The following MEOX2 variants were observed in gnomAD, a reference collection of about 807,000 sequenced individuals.
MEOX2 encodes mesenchyme homeobox 2.
A neutral mutation model predicts 27.0 loss-of-function variants in MEOX2; 11 were observed. The observed-to-expected ratio is 0.41, with a 90% CI of 0.26 to 0.68. MEOX2 has a LOEUF of 0.68. MEOX2 is among the 30% of genes least tolerant of loss of function. The pLI is 0.33. For synonymous variants in MEOX2, 189 were observed against 155.4 expected (o/e 1.22, Z -1.61); for missense variants, 436 against 385.4 (o/e 1.13, Z -1.10).
intron 1 of MEOX2, among the ~76,000 whole-genome samples, chr7:15,674,358 T>G (rs573161721): frequency 3.3e-5 from 5 of 152,092 alleles, no homozygotes; most frequent in Non-Finnish European, 7.4e-5. Context: ...CTAAATTAAG[T>G]GCAAGAGACC....
At chr7:15,635,384 A>T (rs192185432) in intron 1 of MEOX2, among the ~76,000 whole-genome samples, 206 of 152,100 alleles carry the variant, frequency 1.4e-3, no homozygotes, top group Admixed American at 2.1e-3. Context: ...AAAATACTCA[A>T]ACAGAATCTT....
chr7:15,683,150 T>A (rs1029760208), intron 1 of MEOX2, among the ~76,000 whole-genome samples: 1 of 152,002 alleles, frequency 6.6e-6, no homozygotes, highest in African/African-American at 2.4e-5. Flanking sequence ...GTAAGGTTTA[T>A]AAATATTTAA....
intron 1 of MEOX2, among the ~76,000 whole-genome samples, chr7:15,676,921 C>T (rs186326989): frequency 1.8e-4 from 28 of 151,454 alleles, no homozygotes; most frequent in African/African-American, 6.8e-4. Context: ...TTCCTGAAAA[C>T]AGCTTTTCAA....
intron 1 of MEOX2, among the ~76,000 whole-genome samples, chr7:15,630,951 T>C (rs1322081230): frequency 6.6e-6 from 1 of 151,926 alleles, no homozygotes; most frequent in Non-Finnish European, 1.5e-5. Flanking sequence ...TAAATCCTCT[T>C]GCCAATCCAC....
rs757401014 is a variant in MEOX2, at chr7:15,686,442, C to T, written c.-40G>A. ...GGGTTCCAGGCAGAAGACTTCACGGCGGTTCCAAAGGCCACCACCCTCTGT... is the reference window on the plus strand; with the variant it reads ...GGGTTCCAGGCAGAAGACTTCACGGTGGTTCCAAAGGCCACCACCCTCTGT... On this transcript the variant is annotated 5_prime_UTR_variant, in exon 1 of 3. Transcript: ENST00000262041. The T allele has an allele frequency of 3.3e-6, 5 of 1,522,238 alleles. No homozygotes were observed. Among genetic ancestry groups the T allele is most frequent in the Non-Finnish European group, 4.4e-6 (5 of 1,130,680 alleles). 94.3% of individuals were successfully genotyped at this position (1,522,238 alleles called of 1,614,324 possible).
chr7:15,655,647 T>A (rs1583772620), intron 1 of MEOX2, among the ~76,000 whole-genome samples: 1 of 151,830 alleles, frequency 6.6e-6, no homozygotes, highest in East Asian at 1.9e-4. Flanking sequence ...TAGAAGTGTG[T>A]GTAATTTCTG....
At chr7:15,679,117 TAA>T in intron 1 of MEOX2, 1 of 152,272 alleles carries the variant, frequency 6.6e-6, no homozygotes, top group African/African-American at 2.4e-5. Flanking sequence ...ATGCATTTAA[TAA>T]GGATGCTCTA....
chr7:15,685,776 C>T, intron 1 of MEOX2, 110 bp downstream of exon 1: 1 of 1,417,450 alleles, frequency 7.1e-7, no homozygotes, highest in Non-Finnish European at 9.5e-7. Flanking sequence ...GAGGGCAACA[C>T]ATTCCCATCT....
At chr7:15,647,635 G>A (rs1211430303) in intron 1 of MEOX2, among the ~76,000 whole-genome samples, 5 of 151,992 alleles carry the variant, frequency 3.3e-5, no homozygotes, top group Admixed American at 6.6e-5. Flanking sequence ...GTGAACAGTC[G>A]CTGTATAATA....
intron 1 of MEOX2, among the ~76,000 whole-genome samples, chr7:15,685,001 T>G (rs1020259379): frequency 6.6e-6 from 1 of 152,244 alleles, no homozygotes. Flanking sequence ...GCTCAAATTA[T>G]CCCCACTGAA....
intron 1 of MEOX2, among the ~76,000 whole-genome samples, chr7:15,669,482 C>T (rs1782063343): frequency 6.6e-6 from 1 of 152,230 alleles, no homozygotes; most frequent in African/African-American, 2.4e-5. Flanking sequence ...AGCGTTAATA[C>T]TACCTTTTCT....
At chr7:15,643,473 TC>T (rs1421580912) in intron 1 of MEOX2, among the ~76,000 whole-genome samples, 1 of 151,690 alleles carries the variant, frequency 6.6e-6, no homozygotes, top group Non-Finnish European at 1.5e-5. Flanking sequence ...GCCACAGAGC[TC>T]CCATAGGGGA....
intron 1 of MEOX2, among the ~76,000 whole-genome samples, chr7:15,666,607 C>G (rs1782007638): frequency 6.6e-6 from 1 of 151,224 alleles, no homozygotes; most frequent in African/African-American, 2.4e-5. Flanking sequence ...AAAAAATTAG[C>G]CGGGCGTTGT....
chr7:15,622,025 G>C (rs943979224), intron 2 of MEOX2, among the ~76,000 whole-genome samples: 15 of 152,138 alleles, frequency 9.9e-5, no homozygotes, highest in Non-Finnish European at 1.6e-4. Context: ...GACTGAGGAA[G>C]AGAATTGCTT....
chr7:15,627,016 T>C (rs1243303568), intron 1 of MEOX2, 98 bp from the exon 2 acceptor site: 8 of 1,190,618 alleles, frequency 6.7e-6, no homozygotes, highest in South Asian at 4.2e-5. Context: ...TTCCAGGTAC[T>C]GCGCTAGACA....
At position 15,685,926 on chromosome 7, in the gene MEOX2, C is replaced by A. The variant is rs1473375007; in HGVS notation, c.477G>T (p.Ala159=). The A allele has an allele frequency of 6.2e-7, 1 of 1,609,904 alleles. No individual in the cohort carries two copies. The highest frequency in any genetic ancestry group is 1.3e-5 in the African/African-American group (1 of 74,938). ...YGRQALSPAE[A]EKRSGGKRKS... is the part of the protein sequence containing the mutation. ...TCCTCTTGCCGCCGCTTCGCTTCTCCGCCTCCGCAGGTGACAGTGCCTGGC... is the reference window on the plus strand; with the variant it reads ...TCCTCTTGCCGCCGCTTCGCTTCTCAGCCTCCGCAGGTGACAGTGCCTGGC... Residue 159 remains alanine (A), a synonymous_variant, in exon 1 of 3, where the codon GCG becomes GCT. Coordinates refer to ENST00000262041, the MANE Select transcript of MEOX2 (RefSeq NM_005924.5).
rs1207051064 is a variant in MEOX2, at chr7:15,679,387, C to A, written c.517+6499G>T. The A allele has an allele frequency of 2.6e-5, 4 of 152,028 alleles. No homozygotes were observed. The East Asian group carries it at 7.7e-4, about 29-fold the overall frequency. 9.4% of individuals were successfully genotyped at this position (152,028 alleles called of 1,614,324 possible). A position where few individuals can be genotyped will look rare whatever the true frequency, so the allele number is the denominator to read the frequency against. ...ACTATGAAAGTAAGCAGCTTATAAT[C>A]ATAATTTTAATCAATGTAGCCTATG... On this transcript the variant is annotated intron_variant, in intron 1 of 2. Transcript: ENST00000262041.
At chr7:15,648,871 T>C (rs997133357) in intron 1 of MEOX2, among the ~76,000 whole-genome samples, 11 of 152,170 alleles carry the variant, frequency 7.2e-5, no homozygotes, top group Non-Finnish European at 1.6e-4. Context: ...GGGAATTCCC[T>C]CTTCCTTTGG....
chr7:15,616,855 TG>T (rs1217747416), intron 2 of MEOX2, among the ~76,000 whole-genome samples: 4 of 151,766 alleles, frequency 2.6e-5, no homozygotes, highest in African/African-American at 9.7e-5. Flanking sequence ...AGATGGGAGG[TG>T]TTGAAGCACA....
Sources: allele counts gnomAD v4.1 joint callset (sites outside exome capture counted in the v4.1 genomes callset), GRCh38; gene constraint gnomAD v4.1.1; transcripts MANE v1.5; gene names NCBI Gene and HGNC (gene_info 2026-07-23, HGNC 2026-07-21).